Variants in MTHFD2L observed in about 807,000 individuals in gnomAD.
The protein encoded by MTHFD2L is methylenetetrahydrofolate dehydrogenase (NADP+ dependent) 2 like.
A neutral mutation model predicts 34.9 loss-of-function variants in MTHFD2L; 29 were observed. The ratio of observed to expected loss-of-function variants is 0.83; its 90% confidence interval spans 0.62 to 1.13. The LOEUF is 1.13. Among genes scored for constraint, MTHFD2L ranks in the 50% most tolerant of loss-of-function variants. The pLI is 0.00. For missense variants in MTHFD2L, 481 were observed against 446.5 expected (o/e 1.08, Z -0.70); for synonymous variants, 167 against 155.7 (o/e 1.07, Z -0.54).
intron 4 of MTHFD2L, among the ~76,000 whole-genome samples, 176 bp downstream of exon 4, chr4:74,200,122 C>A (rs1734174157): frequency 6.6e-6 from 1 of 152,004 alleles, no homozygotes; most frequent in Non-Finnish European, 1.5e-5. Flanking sequence ...ACAATCCTGG[C>A]TAACACAGTA....
At chr4:74,164,087 G>A (rs910305220) in intron 1 of MTHFD2L, among the ~76,000 whole-genome samples, 2 of 152,146 alleles carry the variant, frequency 1.3e-5, no homozygotes, top group Non-Finnish European at 2.9e-5. Context: ...GTGTTAGCCA[G>A]GATGCGTCTT....
chr4:74,185,046 G>A (rs1730897927), intron 3 of MTHFD2L, among the ~76,000 whole-genome samples: 1 of 151,410 alleles, frequency 6.6e-6, no homozygotes, highest in Admixed American at 6.6e-5. Context: ...CAGCTACTCG[G>A]GAGGCTGAGG....
At chr4:74,221,394 T>C (rs979105380) in intron 5 of MTHFD2L, among the ~76,000 whole-genome samples, 1 of 151,784 alleles carries the variant, frequency 6.6e-6, no homozygotes, top group Non-Finnish European at 1.5e-5. Context: ...AAATACAATA[T>C]ATTTTGTTTC....
chr4:74,213,215 A>G (rs1157571878), intron 5 of MTHFD2L, among the ~76,000 whole-genome samples: 4 of 152,076 alleles, frequency 2.6e-5, no homozygotes, highest in African/African-American at 9.7e-5. Context: ...TAATATTGTT[A>G]TGTGTGAATT....
intron 3 of MTHFD2L, among the ~76,000 whole-genome samples, chr4:74,197,262 G>GT: frequency 6.6e-6 from 1 of 152,130 alleles, no homozygotes; most frequent in Non-Finnish European, 1.5e-5. Flanking sequence ...TCTCACGATT[G>GT]TTTTTTCTGT....
At chr4:74,196,514 G>A (rs1161049936) in intron 3 of MTHFD2L, among the ~76,000 whole-genome samples, 2 of 152,198 alleles carry the variant, frequency 1.3e-5, no homozygotes, top group East Asian at 1.9e-4. Flanking sequence ...AACAGATGTG[G>A]GGGAAGTGGA....
intron 5 of MTHFD2L, among the ~76,000 whole-genome samples, chr4:74,215,432 T>C (rs1299483225): frequency 1.3e-5 from 2 of 151,786 alleles, no homozygotes; most frequent in African/African-American, 4.9e-5. Context: ...TCTCACAGCT[T>C]TCCTTGGCTA....
intron 5 of MTHFD2L, among the ~76,000 whole-genome samples, chr4:74,208,706 C>T (rs1056446052): frequency 6.6e-6 from 1 of 152,068 alleles, no homozygotes; most frequent in Non-Finnish European, 1.5e-5. Flanking sequence ...AGATTACCAC[C>T]CAGGAACAGG....
intron 6 of MTHFD2L, among the ~76,000 whole-genome samples, chr4:74,254,238 A>T (rs965474802): frequency 3.3e-5 from 5 of 152,194 alleles, no homozygotes; most frequent in Non-Finnish European, 5.9e-5. Context: ...TGGCTGAAAA[A>T]TTTTCAAATC....
chr4:74,141,924 G>A (rs140268530), intron 1 of MTHFD2L, among the ~76,000 whole-genome samples: 55 of 152,276 alleles, frequency 3.6e-4, no homozygotes, highest in African/African-American at 1.2e-3. Flanking sequence ...ATGAAATGAT[G>A]TGTGTTGGCT....
intron 1 of MTHFD2L, among the ~76,000 whole-genome samples, chr4:74,143,787 G>A (rs1462486978): frequency 6.6e-6 from 1 of 152,128 alleles, no homozygotes; most frequent in African/African-American, 2.4e-5. Context: ...TCTTAATATT[G>A]TTTTGTGCTC....
chr4:74,139,477 T>C (rs1723152365), intron 1 of MTHFD2L, among the ~76,000 whole-genome samples: 1 of 152,132 alleles, frequency 6.6e-6, no homozygotes, highest in Non-Finnish European at 1.5e-5. Context: ...ATGCTTCCTG[T>C]AGGTTGAAGC....
At chr4:74,171,266 A>G (rs1578333635) in intron 1 of MTHFD2L, among the ~76,000 whole-genome samples, 3 of 152,296 alleles carry the variant, frequency 2.0e-5, no homozygotes, top group South Asian at 2.1e-4. Flanking sequence ...AGTATTCGTT[A>G]AGGGAATGCA....
intron 1 of MTHFD2L, among the ~76,000 whole-genome samples, chr4:74,133,428 C>G (rs1202266457): frequency 6.6e-6 from 1 of 152,170 alleles, no homozygotes; most frequent in Non-Finnish European, 1.5e-5. Flanking sequence ...TCAGCTCCCC[C>G]TTAAACACCA....
rs181312012 is a variant in MTHFD2L at position 74,301,935 on chromosome 4, C to T, written c.*126C>T. On this transcript the variant is annotated 3_prime_UTR_variant, in exon 8 of 8. Coordinates refer to ENST00000325278, the MANE Select transcript of MTHFD2L (RefSeq NM_001144978.3). ...GTATTTATTTTTTCATGGGTGAAATCATTGTGAATCAATTGATTCACATAG... is the reference window on the plus strand; with the variant it reads ...GTATTTATTTTTTCATGGGTGAAATTATTGTGAATCAATTGATTCACATAG... The T allele has an allele frequency of 1.3e-4, 63 of 475,086 alleles. 1 individual carries two copies. In the East Asian group the frequency reaches 2.1e-3, roughly 16 times the overall value. The allele number at this position is 475,086 out of a possible 1,614,324, so 29.4% of individuals were successfully genotyped here.
chr4:74,299,212 T>C (rs1749994861), intron 7 of MTHFD2L, among the ~76,000 whole-genome samples: 2 of 151,958 alleles, frequency 1.3e-5, no homozygotes. Context: ...AATCATTTTG[T>C]TTTCCATTGA....
chr4:74,247,949 G>A (rs955178572), intron 6 of MTHFD2L, among the ~76,000 whole-genome samples: 3 of 151,940 alleles, frequency 2.0e-5, no homozygotes, highest in Non-Finnish European at 4.4e-5. Context: ...CTCTTTTTTG[G>A]TTGTGTCTCT....
chr4:74,292,267 A>G (rs1749057980), intron 7 of MTHFD2L, among the ~76,000 whole-genome samples: 2 of 152,244 alleles, frequency 1.3e-5, no homozygotes, highest in Admixed American at 1.3e-4. Context: ...TTGACATTGG[A>G]TCATCTACCT....
At chr4:74,139,416 C>G (rs897841208) in intron 1 of MTHFD2L, among the ~76,000 whole-genome samples, 7 of 152,182 alleles carry the variant, frequency 4.6e-5, no homozygotes, top group Non-Finnish European at 1.0e-4. Context: ...GCTGCCTTCT[C>G]CGTTTGTGTC....
Sources: gnomAD v4.1 joint callset for allele counts (sites outside exome capture counted in the v4.1 genomes callset) on GRCh38, gnomAD v4.1.1 for gene constraint, MANE v1.5 for transcripts, NCBI Gene and HGNC (gene_info 2026-07-23, HGNC 2026-07-21) for gene names.